CHCHD6: variants seen among roughly 807,000 people sequenced by gnomAD.
CHCHD6 encodes MICOS complex subunit MIC25.
In CHCHD6, 28 loss-of-function variants were observed where a neutral mutation model predicts 32.3. The observed-to-expected ratio is 0.87, with a 90% CI of 0.64 to 1.19. CHCHD6 has a LOEUF of 1.19. CHCHD6 is among the 50% of genes most tolerant of loss of function. The pLI, the probability that CHCHD6 is intolerant of heterozygous loss-of-function variation, is 0.00. For missense variants in CHCHD6, 333 were observed against 307.0 expected (o/e 1.08, Z -0.63); for synonymous variants, 122 against 117.5 (o/e 1.04, Z -0.25).
chr3:126,803,517 A>G (rs1275434509), intron 4 of CHCHD6, among the ~76,000 whole-genome samples: 1 of 152,256 alleles, frequency 6.6e-6, no homozygotes, highest in Admixed American at 6.5e-5. Flanking sequence ...AGAGCTAACT[A>G]TCCTAAATAT....
At chr3:126,766,112 T>C (rs1937361810) in intron 4 of CHCHD6, among the ~76,000 whole-genome samples, 1 of 151,328 alleles carries the variant, frequency 6.6e-6, no homozygotes. Flanking sequence ...TTTTGGGGAG[T>C]GTATTCAGGA....
chr3:126,802,033 G>C (rs1262827790), intron 4 of CHCHD6, among the ~76,000 whole-genome samples: 1 of 152,178 alleles, frequency 6.6e-6, no homozygotes, highest in Admixed American at 6.5e-5. Flanking sequence ...CTAACAAACA[G>C]AAAGGACATC....
At chr3:126,943,443 T>C (rs1048767233) in intron 6 of CHCHD6, among the ~76,000 whole-genome samples, 1 of 152,200 alleles carries the variant, frequency 6.6e-6, no homozygotes, top group Non-Finnish European at 1.5e-5. Flanking sequence ...GTATCAGGTG[T>C]CTTGCCAGAC....
chr3:126,831,617 G>A (rs115116242), intron 4 of CHCHD6, among the ~76,000 whole-genome samples: 1,814 of 152,272 alleles, frequency 0.012, 19 homozygotes, highest in Middle Eastern at 0.048. Context: ...TATCTGGTGC[G>A]GTGGAAAATG....
At chr3:126,857,738 AC>A in intron 5 of CHCHD6, among the ~76,000 whole-genome samples, 2 of 152,360 alleles carry the variant, frequency 1.3e-5, no homozygotes, top group Middle Eastern at 3.4e-3. Flanking sequence ...AATGCAAATT[AC>A]AACCACAACA....
rs181957426 is a variant in CHCHD6, at chr3:126,798,938, C to A, written c.412-53709C>A. On this transcript the variant is annotated intron_variant, in intron 4 of 7. Coordinates refer to ENST00000290913, the MANE Select transcript of CHCHD6 (RefSeq NM_032343.3). ...TGGAATGTTCCGTTTTTCTTTCTTC[C>A]CCAGGTTAACAGGAGAAGTTTCAGG... Among the ~76,000 whole-genome samples the A allele has an allele frequency of 3.7e-3, 559 of 152,230 alleles. 13 individuals carry two copies. The highest frequency in any genetic ancestry group is 0.034 in the Admixed American group (521 of 15,272).
intron 4 of CHCHD6, among the ~76,000 whole-genome samples, chr3:126,820,624 T>A (rs956376154): frequency 6.6e-6 from 1 of 152,160 alleles, no homozygotes; most frequent in African/African-American, 2.4e-5. Flanking sequence ...CTATGAATAT[T>A]TGTGTGTGTG....
chr3:126,931,749 G>A (rs74421817), intron 6 of CHCHD6, among the ~76,000 whole-genome samples: 4,083 of 152,266 alleles, frequency 0.027, 135 homozygotes, highest in East Asian at 0.16. Context: ...TGATTACCAG[G>A]AGAATTGGTA....
rs147806665 is a variant in CHCHD6 at position 126,723,600 on chromosome 3, G to A, written c.88-3478G>A. ...CAGCAGTATATCTCATGTGTTTTCC[G>A]TGACAGTGTATGTGTATTCTACCTT... On this transcript the variant is annotated intron_variant, in intron 1 of 7. Coordinates refer to ENST00000290913, the MANE Select transcript of CHCHD6 (RefSeq NM_032343.3). Among the ~76,000 whole-genome samples, 59 of 152,172 alleles carry A rather than the reference G, an allele frequency of 3.9e-4. 1 individual carries two copies. Among genetic ancestry groups the A allele is most frequent in the African/African-American group, 1.2e-3 (48 of 41,508 alleles).
intron 4 of CHCHD6, among the ~76,000 whole-genome samples, chr3:126,764,008 ACT>A (rs1414335410): frequency 1.3e-5 from 2 of 151,620 alleles, no homozygotes; most frequent in African/African-American, 4.8e-5. Context: ...AAAACAACTA[ACT>A]CTGCTTCTAT....
intron 6 of CHCHD6, among the ~76,000 whole-genome samples, chr3:126,942,871 A>C (rs762084217): frequency 6.6e-6 from 1 of 152,172 alleles, no homozygotes; most frequent in Admixed American, 6.5e-5. Flanking sequence ...ATGTGTGTGC[A>C]TGTACATCCA....
chr3:126,843,074 C>T (rs1266024570), intron 4 of CHCHD6, among the ~76,000 whole-genome samples: 2 of 152,092 alleles, frequency 1.3e-5, no homozygotes, highest in Non-Finnish European at 2.9e-5. Flanking sequence ...ACGTGTCCTT[C>T]ATCAAGTTGA....
chr3:126,796,701 G>T lies in CHCHD6; in HGVS notation c.412-55946G>T, dbSNP rs1486552859. 2.0e-5 allele frequency among the ~76,000 whole-genome samples: 3 copies of T among 152,156 alleles called. No individual in the cohort carries two copies. The East Asian group carries it at 5.8e-4, about 29-fold the overall frequency. On this transcript the variant is annotated intron_variant, in intron 4 of 7. Transcript: ENST00000290913. ...TGTGATTTGAACAATGGAAATGTCA[G>T]AGTCCTTCTGTTAGTGGGCCATGGA... is the stretch of plus-strand genomic sequence containing the variant.
chr3:126,711,963 A>T (rs1934768293), intron 1 of CHCHD6, among the ~76,000 whole-genome samples: 2 of 152,252 alleles, frequency 1.3e-5, no homozygotes, highest in African/African-American at 4.8e-5. Context: ...TCCTGAATCC[A>T]TCACATGTTC....
chr3:126,951,514 T>C (rs1026716643), intron 6 of CHCHD6, among the ~76,000 whole-genome samples: 1 of 151,904 alleles, frequency 6.6e-6, no homozygotes, highest in Non-Finnish European at 1.5e-5. Flanking sequence ...AGGTTATGGA[T>C]GGAAGGGAAG....
intron 4 of CHCHD6, among the ~76,000 whole-genome samples, chr3:126,808,691 A>G (rs1939522566): frequency 6.6e-6 from 1 of 152,108 alleles, no homozygotes; most frequent in South Asian, 2.1e-4. Context: ...ATTTTTTAAG[A>G]TTAAGAAGCA....
At chr3:126,956,039 C>T (rs184119369) in intron 6 of CHCHD6, among the ~76,000 whole-genome samples, 17 of 152,284 alleles carry the variant, frequency 1.1e-4, no homozygotes, top group Admixed American at 2.0e-4. Context: ...CCCAAGCTGT[C>T]GAGCATCCTG....
intron 6 of CHCHD6, among the ~76,000 whole-genome samples, chr3:126,947,402 C>T (rs887347604): frequency 1.3e-5 from 2 of 152,224 alleles, no homozygotes; most frequent in Non-Finnish European, 2.9e-5. Flanking sequence ...TGGTTCGGGG[C>T]AACTGTCTTT....
intron 1 of CHCHD6, among the ~76,000 whole-genome samples, chr3:126,716,720 C>T (rs1265163785): frequency 6.7e-6 from 1 of 150,314 alleles, no homozygotes; most frequent in Non-Finnish European, 1.5e-5. Flanking sequence ...GGAGTGAAGA[C>T]AAAAAAGTGC....
Sources: allele counts gnomAD v4.1 joint callset (sites outside exome capture counted in the v4.1 genomes callset), GRCh38; gene constraint gnomAD v4.1.1; transcripts MANE v1.5; gene names NCBI Gene and HGNC (gene_info 2026-07-23, HGNC 2026-07-21).